Variants in KCNH1 observed in about 807,000 individuals in gnomAD.
The protein encoded by KCNH1 is potassium voltage-gated channel subfamily H member 1.
A neutral mutation model predicts 69.2 loss-of-function variants in KCNH1; 27 were observed. That is an observed-to-expected ratio of 0.39 (90% CI 0.29 to 0.54). The LOEUF (loss-of-function observed/expected upper bound fraction) is 0.54. Ranked by LOEUF, KCNH1 falls within the 20% of genes least tolerant of loss-of-function variation. The pLI, the probability that KCNH1 is intolerant of heterozygous loss-of-function variation, is 0.68. For synonymous variants in KCNH1, 456 were observed against 487.7 expected, an observed-to-expected ratio of 0.93 and a Z score of 0.86; for missense variants, 798 against 1,261.6, an observed-to-expected ratio of 0.63 and a Z score of 5.57.
At chr1:210,881,019 T>A (rs927273219) in intron 7 of KCNH1, among the ~76,000 whole-genome samples, 51 of 147,336 alleles carry the variant, frequency 3.5e-4, no homozygotes, top group African/African-American at 4.9e-4. Flanking sequence ...ACAGTAATAT[T>A]TTTTTTTTTT....
At chr1:211,113,968 TCTCTCTCA>T (rs1249975925) in intron 1 of KCNH1, among the ~76,000 whole-genome samples, 5 of 129,850 alleles carry the variant, frequency 3.9e-5, no homozygotes, top group South Asian at 2.5e-4. Flanking sequence ...TCTCTCTCTC[TCTCTCTCA>T]CACACACACA....
intron 6 of KCNH1, among the ~76,000 whole-genome samples, chr1:210,956,760 T>A (rs928817901): frequency 6.6e-6 from 1 of 152,100 alleles, no homozygotes; most frequent in Non-Finnish European, 1.5e-5. Context: ...GGTGGTGATA[T>A]CCCCTTTTCA....
intron 7 of KCNH1, among the ~76,000 whole-genome samples, chr1:210,890,994 A>G (rs4262607): frequency 0.68 from 103,271 of 152,100 alleles, 35,992 homozygotes; most frequent in African/African-American, 0.83. Flanking sequence ...ATTCCTCAAG[A>G]ATCTAGAACT....
chr1:210,846,062 G>T (rs1048124593), intron 7 of KCNH1, among the ~76,000 whole-genome samples: 1 of 152,100 alleles, frequency 6.6e-6, no homozygotes, highest in Non-Finnish European at 1.5e-5. Context: ...ACAAACCACT[G>T]CTCAATGAAA....
chr1:210,727,044 G>T (rs1303627199), intron 10 of KCNH1, among the ~76,000 whole-genome samples: 1 of 152,180 alleles, frequency 6.6e-6, no homozygotes, highest in African/African-American at 2.4e-5. Context: ...GTCAACAATT[G>T]CTAATGATGA....
chr1:210,685,452 G>T (rs367993429), intron 10 of KCNH1, among the ~76,000 whole-genome samples: 1 of 152,148 alleles, frequency 6.6e-6, no homozygotes, highest in African/African-American at 2.4e-5. Context: ...CCACAGGACC[G>T]CCAGTCTTGG....
chr1:211,098,936 G>A (rs538469780), intron 3 of KCNH1, among the ~76,000 whole-genome samples: 1 of 152,262 alleles, frequency 6.6e-6, no homozygotes, highest in African/African-American at 2.4e-5. Context: ...AAGCTATTTG[G>A]CAAAATGTCT....
intron 6 of KCNH1, among the ~76,000 whole-genome samples, chr1:210,944,943 C>A (rs113123044): frequency 6.6e-6 from 1 of 152,158 alleles, no homozygotes; most frequent in African/African-American, 2.4e-5. Flanking sequence ...CTCCTGATAA[C>A]CTCCAATCTA....
chr1:211,091,622 C>T (rs1691053008), intron 3 of KCNH1, among the ~76,000 whole-genome samples: 1 of 152,188 alleles, frequency 6.6e-6, no homozygotes, highest in Non-Finnish European at 1.5e-5. Flanking sequence ...CAGGTTTGGG[C>T]TTCGATCACA....
chr1:210,798,915 T>C (rs1046541374), intron 8 of KCNH1, among the ~76,000 whole-genome samples: 4 of 152,208 alleles, frequency 2.6e-5, no homozygotes, highest in South Asian at 2.1e-4. Flanking sequence ...TTTAGAATCA[T>C]TCATTCATTT....
At chr1:210,939,724 T>C (rs75475420) in intron 6 of KCNH1, among the ~76,000 whole-genome samples, 6,201 of 152,294 alleles carry the variant, frequency 0.041, 190 homozygotes, top group South Asian at 0.065. Context: ...ATACACAGTA[T>C]CATTTGTCCA....
intron 5 of KCNH1, among the ~76,000 whole-genome samples, chr1:211,019,900 C>A (rs1689558210): frequency 6.6e-6 from 1 of 152,008 alleles, no homozygotes; most frequent in Admixed American, 6.6e-5. Context: ...TTGTGAATGA[C>A]CAGTGGGTCA....
intron 10 of KCNH1, among the ~76,000 whole-genome samples, chr1:210,754,949 A>G (rs1290573387): frequency 6.6e-6 from 1 of 152,158 alleles, no homozygotes; most frequent in African/African-American, 2.4e-5. Flanking sequence ...CCATGGGGAA[A>G]GCAAGCAAAC....
At chr1:210,709,874 G>C (rs1682023354) in intron 10 of KCNH1, among the ~76,000 whole-genome samples, 1 of 152,118 alleles carries the variant, frequency 6.6e-6, no homozygotes, top group Non-Finnish European at 1.5e-5. Context: ...GTTGAGTCTT[G>C]GGAAAAACAT....
At chr1:210,709,845 GAT>G (rs2149016384) in intron 10 of KCNH1, among the ~76,000 whole-genome samples, 1 of 152,298 alleles carries the variant, frequency 6.6e-6, no homozygotes, top group African/African-American at 2.4e-5. Context: ...GTGCTGGGGA[GAT>G]ACTATTCGTC....
chr1:210,788,920 TC>T (rs1684161964), intron 9 of KCNH1, among the ~76,000 whole-genome samples: 1 of 148,700 alleles, frequency 6.7e-6, no homozygotes, highest in African/African-American at 2.6e-5. Context: ...ATGGTCTCGA[TC>T]TCCTGACCTC....
At position 210,689,284 on chromosome 1, in the gene KCNH1, T is replaced by C. The variant is rs576718228; in HGVS notation, c.2113-5146A>G. 5.3e-5 allele frequency among the ~76,000 whole-genome samples: 8 copies of C among 152,302 alleles called. No homozygotes were observed. The East Asian group carries it at 1.5e-3, about 29-fold the overall frequency. On this transcript the variant is annotated intron_variant, in intron 10 of 10. Coordinates refer to ENST00000271751, the MANE Select transcript of KCNH1 (RefSeq NM_172362.3). ...TGAGTCAGGATAGTCGACCACCTCT[T>C]CTGGGTTACATTAAAAGAAGGCCCA...
chr1:211,116,506 C>T (rs539326054), intron 1 of KCNH1, among the ~76,000 whole-genome samples: 1 of 152,240 alleles, frequency 6.6e-6, no homozygotes, highest in East Asian at 1.9e-4. Flanking sequence ...CTGGGGTTTC[C>T]ACTGAGAGAA....
At position 211,134,021 on chromosome 1, in the gene KCNH1, G is replaced by T. The variant is rs1021680847; in HGVS notation, c.-76C>A. 2 of 1,323,162 alleles carry T rather than the reference G, an allele frequency of 1.5e-6. No individual in the cohort carries two copies. Among genetic ancestry groups the T allele is most frequent in the Non-Finnish European group, 2.2e-6 (2 of 928,078 alleles). 82.0% of individuals were successfully genotyped at this position (1,323,162 alleles called of 1,614,324 possible). A position where few individuals can be genotyped will look rare whatever the true frequency, so the allele number is the denominator to read the frequency against. On this transcript the variant is annotated 5_prime_UTR_variant, in exon 1 of 11. Coordinates refer to ENST00000271751, the MANE Select transcript of KCNH1 (RefSeq NM_172362.3). This position sits in a 1 kb window ranked among gnomAD's most constrained non-coding sequence, Gnocchi z 5.7. ...CAGCAGGAAACTGGCCTCGGGGCCC[G>T]CACGCAGTCCCGGCTCGAAGCGCCC... is the stretch of plus-strand genomic sequence containing the variant.
Sources: allele counts gnomAD v4.1 joint callset (sites outside exome capture counted in the v4.1 genomes callset), GRCh38; gene constraint gnomAD v4.1.1; non-coding constraint Gnocchi (gnomAD v3.1); transcripts MANE v1.5; gene names NCBI Gene and HGNC (gene_info 2026-07-23, HGNC 2026-07-21).